The following CHD9 variants were observed in gnomAD, a reference collection of about 807,000 sequenced individuals.
The protein encoded by CHD9 is chromodomain helicase DNA binding protein 9.
Under a neutral mutation model 316.1 loss-of-function variants are expected in CHD9, and 77 were observed. The ratio of observed to expected loss-of-function variants is 0.24; its 90% CI spans 0.20 to 0.29. The LOEUF (loss-of-function observed/expected upper bound fraction) is 0.29, where lower values mean the gene tolerates loss of function less well. Ranked by LOEUF, CHD9 falls within the 10% of genes least tolerant of loss-of-function variation. CHD9 has a pLI of 1.00. For synonymous variants in CHD9, 1,129 were observed against 1,158.3 expected (o/e 0.97, Z 0.51); for missense variants, 2,763 against 3,438.1 (o/e 0.80, Z 4.91).
At chr16:53,197,279 C>A (rs1177557339) in intron 2 of CHD9, among the ~76,000 whole-genome samples, 1 of 152,178 alleles carries the variant, frequency 6.6e-6, no homozygotes, top group East Asian at 1.9e-4. Flanking sequence ...TTAAAGTCCT[C>A]TGTAAACTAT....
intron 10 of CHD9, among the ~76,000 whole-genome samples, chr16:53,234,073 T>C (rs559402722): frequency 1.2e-4 from 18 of 152,308 alleles, no homozygotes; most frequent in Admixed American, 9.2e-4. Context: ...TGCTTCTAGA[T>C]TTCTTTTGAA....
intron 24 of CHD9, among the ~76,000 whole-genome samples, chr16:53,283,373 G>A (rs543111192): frequency 6.6e-6 from 1 of 152,140 alleles, no homozygotes; most frequent in South Asian, 2.1e-4. Flanking sequence ...GATGACACAA[G>A]TTAGTCTTTA....
chr16:53,125,333 C>G (rs990223891), intron 1 of CHD9, among the ~76,000 whole-genome samples: 1 of 151,656 alleles, frequency 6.6e-6, no homozygotes, highest in Non-Finnish European at 1.5e-5. Flanking sequence ...AAGCAATTCC[C>G]CTGCCTCAGC....
intron 1 of CHD9, among the ~76,000 whole-genome samples, chr16:53,116,809 G>T (rs565289656): frequency 6.6e-6 from 1 of 152,230 alleles, no homozygotes; most frequent in East Asian, 1.9e-4. Flanking sequence ...CAATAGCAAA[G>T]ACATGGAATC....
chr16:53,317,163 C>CAA (rs537619212), intron 36 of CHD9, among the ~76,000 whole-genome samples: 24,232 of 81,300 alleles, frequency 0.3, 2,817 homozygotes, highest in Middle Eastern at 0.39. Context: ...AACTCCATCT[C>CAA]AAAAAAAAAA....
At chr16:53,172,214 A>G (rs1345211338) in intron 2 of CHD9, among the ~76,000 whole-genome samples, 1 of 152,118 alleles carries the variant, frequency 6.6e-6, no homozygotes, top group African/African-American at 2.4e-5. Flanking sequence ...TCGCGCACCC[A>G]GACAACCACT....
Position 53,222,678 on chromosome 16 carries a change from A to G in CHD9, c.1819A>G (p.Arg607Gly). 1 of 1,572,344 alleles carries G rather than the reference A, an allele frequency of 6.4e-7. No individual in the cohort carries two copies. The highest frequency in any genetic ancestry group is 8.7e-7 in the Non-Finnish European group (1 of 1,151,130). Residue 607 changes from arginine to glycine, a missense_variant, in exon 4 of 39, where the codon AGA (arginine) becomes GGA (glycine). By Grantham distance (125) the Arg-to-Gly change is moderately radical. Around this residue, in one of 15 missense-constraint regions of CHD9, gnomAD observed 859 missense variants for 890.4 expected, o/e 0.96. Transcript: ENST00000447540. ...LIITLGKKQK[R>G]KNESSDEISD... ...TATTACATTGGGTAAGAAACAAAAA[A>G]GAAAGAATGAGTCTTCAGATGAAAT...
At chr16:53,089,875 C>T (rs1483595576) in intron 1 of CHD9, among the ~76,000 whole-genome samples, 1 of 152,172 alleles carries the variant, frequency 6.6e-6, no homozygotes, top group African/African-American at 2.4e-5. Context: ...TGACTGATCC[C>T]CTTTACACCA....
At chr16:53,222,567 T>A (rs1253017470) in intron 3 of CHD9, 77 bp from the exon 4 acceptor site, 1 of 696,126 alleles carries the variant, frequency 1.4e-6, no homozygotes, top group Non-Finnish European at 2.5e-6. Context: ...AGAAAGTTTA[T>A]CATGACAATC....
chr16:53,282,407 A>T (rs1386322778), intron 24 of CHD9, among the ~76,000 whole-genome samples: 1 of 152,126 alleles, frequency 6.6e-6, no homozygotes, highest in Non-Finnish European at 1.5e-5. Flanking sequence ...GGAGTTTGAG[A>T]TGAGCCTTGG....
chr16:53,122,643 CAAG>C (rs1001130194), intron 1 of CHD9, among the ~76,000 whole-genome samples: 4 of 150,410 alleles, frequency 2.7e-5, no homozygotes, highest in African/African-American at 9.8e-5. Context: ...CTCCCAGGTT[CAAG>C]AAGTTCTCTT....
At chr16:53,309,685 C>G (rs1031904516) in intron 34 of CHD9, among the ~76,000 whole-genome samples, 2 of 152,094 alleles carry the variant, frequency 1.3e-5, no homozygotes, top group Admixed American at 1.3e-4. Flanking sequence ...CTAGGCTGGT[C>G]CTAAACTCCT....
chr16:53,189,759 T>G (rs1484162678), intron 2 of CHD9, among the ~76,000 whole-genome samples: 1 of 152,132 alleles, frequency 6.6e-6, no homozygotes, highest in Non-Finnish European at 1.5e-5. Flanking sequence ...TTATCAGACT[T>G]TAGTGCATTT....
intron 1 of CHD9, among the ~76,000 whole-genome samples, chr16:53,116,072 C>G (rs980054236): frequency 3.3e-5 from 5 of 151,850 alleles, no homozygotes; most frequent in African/African-American, 1.2e-4. Context: ...TGCTTTTTTT[C>G]TTTTTGAGAC....
chr16:53,250,901 A>G (rs1352522401), intron 17 of CHD9, among the ~76,000 whole-genome samples: 1 of 152,196 alleles, frequency 6.6e-6, no homozygotes, highest in Non-Finnish European at 1.5e-5. Context: ...ACAACCCATT[A>G]AATAACTACC....
chr16:53,090,619 G>A lies in CHD9; in HGVS notation c.-165+35542G>A, dbSNP rs568549748. Among the ~76,000 whole-genome samples, 8 of 152,270 alleles carry A rather than the reference G, an allele frequency of 5.3e-5. No individual in the cohort carries two copies. The South Asian group carries it at 1.7e-3, about 32-fold the overall frequency. On this transcript the variant is annotated intron_variant, in intron 1 of 38. Coordinates refer to ENST00000447540, the MANE Select transcript of CHD9 (RefSeq NM_001308319.2). ...TGTGTGCAGTCCAGGTTCATGGCAGGTGGCCTTTCTTTCCTCCCCGGCATG... is the reference window on the plus strand; with the variant it reads ...TGTGTGCAGTCCAGGTTCATGGCAGATGGCCTTTCTTTCCTCCCCGGCATG...
chr16:53,220,167 C>G (rs2047118675), intron 3 of CHD9, among the ~76,000 whole-genome samples: 1 of 152,174 alleles, frequency 6.6e-6, no homozygotes, highest in Non-Finnish European at 1.5e-5. Flanking sequence ...CTTAATGTTG[C>G]TTCAGAATAT....
At chr16:53,236,934 T>C (rs1283892909) in intron 11 of CHD9, among the ~76,000 whole-genome samples, 1 of 151,916 alleles carries the variant, frequency 6.6e-6, no homozygotes, top group Non-Finnish European at 1.5e-5. Flanking sequence ...CATATTACAT[T>C]TGTTCTCCCT....
intron 1 of CHD9, among the ~76,000 whole-genome samples, chr16:53,081,293 G>C (rs184883145): frequency 2.6e-5 from 4 of 152,256 alleles, no homozygotes. Context: ...GGGAGAATCT[G>C]GTTCTGCACC....
Sources: gnomAD v4.1 joint callset for allele counts (sites outside exome capture counted in the v4.1 genomes callset) on GRCh38, gnomAD v4.1.1 for gene constraint, gnomAD v4.1.1 regional missense constraint, MANE v1.5 for transcripts, NCBI Gene and HGNC (gene_info 2026-07-23, HGNC 2026-07-21) for gene names.